COL5A1: variants seen among roughly 807,000 people sequenced by gnomAD.
COL5A1 encodes the protein collagen type V alpha 1 chain, also known as collagen alpha-1(V) chain.
A neutral mutation model predicts 263.7 loss-of-function variants in COL5A1; 16 were observed. That is an observed-to-expected ratio of 0.06 (90% CI 0.04 to 0.09). The LOEUF (loss-of-function observed/expected upper bound fraction) is 0.09, where lower values mean the gene tolerates loss of function less well. Ranked by LOEUF, COL5A1 falls within the 10% of genes least tolerant of loss-of-function variation. The pLI, the probability that COL5A1 is intolerant of heterozygous loss-of-function variation, is 1.00. For missense variants in COL5A1, 2,036 were observed against 2,540.5 expected, an observed-to-expected ratio of 0.80 and a Z score of 4.27; for synonymous variants, 1,012 against 1,004.5, an observed-to-expected ratio of 1.01 and a Z score of -0.14.
intron 32 of COL5A1, among the ~76,000 whole-genome samples, chr9:134,793,119 T>G (rs1837777278): frequency 6.6e-6 from 1 of 151,988 alleles, no homozygotes; most frequent in East Asian, 2.0e-4. Flanking sequence ...GTGAGCAAAG[T>G]GTCGCTTTGC....
At chr9:134,659,807 G>A (rs536483925) in intron 1 of COL5A1, among the ~76,000 whole-genome samples, 61 of 152,352 alleles carry the variant, frequency 4.0e-4, no homozygotes, top group Non-Finnish European at 2.1e-4. Context: ...TAGATCTGGA[G>A]CCTGTGCCCA....
At chr9:134,706,345 C>A (rs1279041950) in intron 4 of COL5A1, among the ~76,000 whole-genome samples, 3 of 152,082 alleles carry the variant, frequency 2.0e-5, no homozygotes, top group East Asian at 3.9e-4. Flanking sequence ...GGGCTGGGCT[C>A]CCCCCAGTGC....
intron 60 of COL5A1, 137 bp from the exon 61 acceptor site, chr9:134,823,279 G>A: frequency 9.4e-7 from 1 of 1,063,062 alleles, no homozygotes; most frequent in Non-Finnish European, 1.5e-6. Flanking sequence ...AGGGGTCTCT[G>A]CCATTCTCTT....
intron 25 of COL5A1, among the ~76,000 whole-genome samples, 193 bp downstream of exon 25, chr9:134,768,656 G>A (rs1181220991): frequency 1.3e-5 from 2 of 152,224 alleles, no homozygotes; most frequent in Admixed American, 6.5e-5. Context: ...TAACATCATG[G>A]ATTTTAATCA....
At chr9:134,729,468 C>CGT (rs1834789064) in intron 6 of COL5A1, among the ~76,000 whole-genome samples, 1 of 150,932 alleles carries the variant, frequency 6.6e-6, no homozygotes, top group South Asian at 2.1e-4. Flanking sequence ...TGTGTGTGAG[C>CGT]ATGTGGCATG....
intron 1 of COL5A1, among the ~76,000 whole-genome samples, chr9:134,657,996 C>A (rs1360788744): frequency 6.6e-6 from 1 of 151,956 alleles, no homozygotes; most frequent in Non-Finnish European, 1.5e-5. Context: ...ATGGGCCGGG[C>A]ACGGAGATGC....
Position 134,703,849 on chromosome 9 carries a change from C to T in COL5A1, c.654+2516C>T, listed in dbSNP as rs542945505. ...AGAGATGGGGTTTCACTGTGTTAGC[C>T]AGGATGGTCTCGATCTCCTGACCTT... is the stretch of plus-strand genomic sequence containing the variant. On this transcript the variant is annotated intron_variant, in intron 4 of 65. Coordinates refer to ENST00000371817, the MANE Select transcript of COL5A1 (RefSeq NM_000093.5). Among the ~76,000 whole-genome samples, 23 of 151,890 alleles carry T rather than the reference C, an allele frequency of 1.5e-4. No individual in the cohort carries two copies. The East Asian group carries it at 4.1e-3, about 27-fold the overall frequency.
chr9:134,793,940 T>G (rs753415390), intron 32 of COL5A1, among the ~76,000 whole-genome samples: 1 of 152,212 alleles, frequency 6.6e-6, no homozygotes, highest in African/African-American at 2.4e-5. Flanking sequence ...GGAAGCAGTT[T>G]TGACTCTGGC....
At chr9:134,817,701 T>C in intron 53 of COL5A1, 77 bp from the exon 54 acceptor site, 1 of 1,334,740 alleles carries the variant, frequency 7.5e-7, no homozygotes, top group Non-Finnish European at 1.1e-6. Flanking sequence ...ACACACACCC[T>C]GAGCGCCTGC....
intron 4 of COL5A1, among the ~76,000 whole-genome samples, chr9:134,717,006 C>A (rs538551990): frequency 3.4e-5 from 5 of 146,888 alleles, no homozygotes; most frequent in African/African-American, 9.9e-5. Flanking sequence ...CTGTGAAAAC[C>A]ATGGAAAAAA....
chr9:134,795,066 C>G lies in COL5A1; in HGVS notation c.2701-16C>G, dbSNP rs763941687. ...GCATTTAGAGAGTGACTGACCAGCCCCTTCTCTGATTCTAGGGGACCCCTG... is the reference window on the plus strand; with the variant it reads ...GCATTTAGAGAGTGACTGACCAGCCGCTTCTCTGATTCTAGGGGACCCCTG... On this transcript the variant is annotated splice_polypyrimidine_tract_variant and intron_variant, in intron 32 of 65. Coordinates refer to ENST00000371817, the MANE Select transcript of COL5A1 (RefSeq NM_000093.5). The G allele has an allele frequency of 3.7e-6, 6 of 1,613,672 alleles. No homozygotes were observed. In the South Asian group the frequency reaches 6.6e-5, roughly 18 times the overall value.
chr9:134,654,629 G>T (rs1230064674), intron 1 of COL5A1, among the ~76,000 whole-genome samples: 1 of 134,542 alleles, frequency 7.4e-6, no homozygotes, highest in Non-Finnish European at 1.6e-5. Context: ...AGGGCTGGGG[G>T]TGTGTAGGGC....
chr9:134,824,561 TCCTCCATCACCC>T, intron 61 of COL5A1, 27 bp from the exon 62 acceptor site: 1 of 1,611,994 alleles, frequency 6.2e-7, no homozygotes, highest in Non-Finnish European at 8.5e-7. Context: ...ACCCTTCCCA[TCCTCCATCACCC>T]ACCGCTGCTC....
chr9:134,824,161 A>C (rs1390163290), intron 61 of COL5A1, among the ~76,000 whole-genome samples: 2 of 152,146 alleles, frequency 1.3e-5, no homozygotes, highest in Admixed American at 6.5e-5. Context: ...TCGTCATCTT[A>C]GCTGTGGCCT....
Position 134,823,073 on chromosome 9 carries a change from G to C in COL5A1, c.4644+40G>C, listed in dbSNP as rs200471891. On this transcript the variant is annotated intron_variant, in intron 60 of 65. Transcript: ENST00000371817. ...GCCCAGCCAGGCCAATGCCTGGAAG[G>C]TAGGGGAGGGCGACGGGTCCCCTGG... 1,046 of 1,612,330 alleles carry C rather than the reference G, an allele frequency of 6.5e-4. 6 individuals carry two copies. The highest frequency in any genetic ancestry group is 5.1e-5 in the Non-Finnish European group (60 of 1,178,512).
At chr9:134,786,118 A>G in intron 31 of COL5A1, 70 bp downstream of exon 31, 3 of 1,398,298 alleles carry the variant, frequency 2.1e-6, no homozygotes, top group Non-Finnish European at 3.0e-6. Context: ...CCCACCCTGC[A>G]TCCGGCCGTG....
rs1836053644 is a variant in COL5A1 at position 134,758,133 on chromosome 9, C to G, written c.1882-110C>G. 1 of 1,065,852 alleles carries G rather than the reference C, an allele frequency of 9.4e-7. No individual in the cohort carries two copies. The highest frequency in any genetic ancestry group is 1.7e-5 in the Admixed American group (1 of 58,578). 66.0% of individuals were successfully genotyped at this position (1,065,852 alleles called of 1,614,324 possible). ...CGATGGGGTTCAGGGTGCATAGATG[C>G]TGTGTGAAACGTGGTCCAAGGCGGG... On this transcript the variant is annotated intron_variant, in intron 17 of 65. Coordinates refer to ENST00000371817, the MANE Select transcript of COL5A1 (RefSeq NM_000093.5). This position sits in a 1 kb window ranked among gnomAD's most constrained non-coding sequence, Gnocchi z 4.1.
rs1564192151 is a variant in COL5A1, at chr9:134,843,025, C to CT, written c.*723dup. On this transcript the variant is annotated 3_prime_UTR_variant, in exon 66 of 66. Transcript: ENST00000371817. ...ACCGTTCTGATTAGAAATAGGAAGT[C>CT]TCCCCACCCCCGCCCTGGCCAAGAA... 1 of 152,334 alleles carries CT rather than the reference C, an allele frequency of 6.6e-6. No homozygotes were observed. The highest frequency in any genetic ancestry group is 1.9e-4 in the East Asian group (1 of 5,162). 9.4% of individuals were successfully genotyped at this position (152,334 alleles called of 1,614,324 possible). A position where few individuals can be genotyped will look rare whatever the true frequency, so the allele number is the denominator to read the frequency against.
chr9:134,725,515 C>T (rs904617364), intron 4 of COL5A1, among the ~76,000 whole-genome samples: 17 of 152,310 alleles, frequency 1.1e-4, no homozygotes, highest in South Asian at 2.1e-4. Context: ...TGACTCCTAG[C>T]GTGCCTGTCA....
Sources: gnomAD v4.1 joint callset for allele counts (sites outside exome capture counted in the v4.1 genomes callset) on GRCh38, gnomAD v4.1.1 for gene constraint, Gnocchi (gnomAD v3.1) non-coding constraint, MANE v1.5 for transcripts, NCBI Gene and HGNC (gene_info 2026-07-23, HGNC 2026-07-21) for gene names.